The following TRIM75 variants were observed in gnomAD, a reference collection of about 807,000 sequenced individuals.
The protein encoded by TRIM75 is tripartite motif-containing protein 75.
At chr4:165,060,059 C>A in the TRIM75 span, 1 of 780,694 alleles carries the variant, frequency 1.3e-6, no homozygotes. Flanking sequence ...AAACAGCACA[C>A]CCTAACCTGA....
the TRIM75 span, chr4:165,060,228 T>C: frequency 1.3e-6 from 1 of 780,920 alleles, no homozygotes. Flanking sequence ...TAAGTCAGAA[T>C]GGGCTATTGG....
chr4:165,055,037 T>C, the TRIM75 span, among the ~76,000 whole-genome samples: 1 of 152,010 alleles, frequency 6.6e-6, no homozygotes, highest in African/African-American at 2.4e-5. Context: ...TTAACCACTA[T>C]TGCTTGCTTA....
At chr4:165,054,290 G>A in the TRIM75 span, among the ~76,000 whole-genome samples, 2 of 118,824 alleles carry the variant, frequency 1.7e-5, no homozygotes, top group Non-Finnish European at 3.5e-5. Flanking sequence ...TTTTTTTTGA[G>A]ACAGAGTCTT....
chr4:165,054,706 G>C, the TRIM75 span, among the ~76,000 whole-genome samples: 1 of 152,094 alleles, frequency 6.6e-6, no homozygotes, highest in Non-Finnish European at 1.5e-5. Context: ...GCGGCATAAG[G>C]TTATTTTAAA....
chr4:165,056,647 C>T, the TRIM75 span, among the ~76,000 whole-genome samples: 4 of 117,690 alleles, frequency 3.4e-5, no homozygotes, highest in East Asian at 1.1e-3. Context: ...CAGAGTCTCG[C>T]TCTGTTGCCC....
At chr4:165,055,908 G>A in the TRIM75 span, among the ~76,000 whole-genome samples, 6 of 144,614 alleles carry the variant, frequency 4.1e-5, no homozygotes, top group African/African-American at 1.3e-4. Flanking sequence ...CACATGAGAC[G>A]CTGTCTCTCT....
At chr4:165,058,348 TTTTTTATTTTTTTA>T in the TRIM75 span, among the ~76,000 whole-genome samples, 1 of 152,000 alleles carries the variant, frequency 6.6e-6, no homozygotes, top group Non-Finnish European at 1.5e-5. Context: ...TTTTTTTTAT[TTTTTTATTTTTTTA>T]TTTTTATTTT....
the TRIM75 span, among the ~76,000 whole-genome samples, chr4:165,056,193 CACACCTGTAATCCCA>C: frequency 1.3e-5 from 2 of 152,108 alleles, no homozygotes; most frequent in South Asian, 4.2e-4. Flanking sequence ...CGAGGTGGCT[CACACCTGTAATCCCA>C]ACACTTTGAG....
the TRIM75 span, among the ~76,000 whole-genome samples, chr4:165,055,230 T>C: frequency 8.7e-4 from 131 of 151,414 alleles, no homozygotes; most frequent in African/African-American, 2.8e-3. Context: ...CAGTTCTGCC[T>C]CCCAAAGCAC....
chr4:165,059,915 C>T, the TRIM75 span: 26 of 779,294 alleles, frequency 3.3e-5, no homozygotes, highest in Admixed American at 1.4e-4. Context: ...AAATTTTCTA[C>T]GAATCTGAAA....
At chr4:165,054,502 C>T in the TRIM75 span, among the ~76,000 whole-genome samples, 2 of 152,042 alleles carry the variant, frequency 1.3e-5, no homozygotes, top group South Asian at 2.1e-4. Flanking sequence ...CTTCTGACCT[C>T]GTGATCCACC....
chr4:165,057,261 G>A, the TRIM75 span, among the ~76,000 whole-genome samples: 2 of 151,988 alleles, frequency 1.3e-5, no homozygotes, highest in Admixed American at 6.6e-5. Context: ...TGTAATCCTC[G>A]CATTTTGGGA....
the TRIM75 span, among the ~76,000 whole-genome samples, chr4:165,057,192 T>A: frequency 6.6e-6 from 1 of 152,178 alleles, no homozygotes; most frequent in Non-Finnish European, 1.5e-5. Context: ...CTTCCTCTTT[T>A]TTGAAGTTCA....
At chr4:165,057,327 T>C in the TRIM75 span, among the ~76,000 whole-genome samples, 5 of 152,072 alleles carry the variant, frequency 3.3e-5, no homozygotes, top group Non-Finnish European at 7.4e-5. Context: ...CTGAGTGACA[T>C]GGCAAGACCT....
the TRIM75 span, chr4:165,059,651 A>T: frequency 1.3e-6 from 1 of 780,854 alleles, no homozygotes; most frequent in Admixed American, 1.7e-5. Context: ...AAAGCAAAAA[A>T]CCCTTAGAAC....
the TRIM75 span, among the ~76,000 whole-genome samples, chr4:165,056,297 AT>A: frequency 7.4e-3 from 1,096 of 148,510 alleles, 7 homozygotes; most frequent in South Asian, 0.023. Context: ...AATAAAAATG[AT>A]TTTTTTTTTT....
the TRIM75 span, chr4:165,059,222 C>A: frequency 2.6e-6 from 2 of 780,228 alleles, no homozygotes; most frequent in East Asian, 2.4e-5. Flanking sequence ...ACCTGAGTGA[C>A]CCCGTCACCA....
At chr4:165,055,367 C>A in the TRIM75 span, among the ~76,000 whole-genome samples, 1 of 151,238 alleles carries the variant, frequency 6.6e-6, no homozygotes, top group South Asian at 2.1e-4. Context: ...TCACCGCAAC[C>A]TCCATGTCCC....
At chr4:165,057,182 C>T in the TRIM75 span, among the ~76,000 whole-genome samples, 2 of 152,240 alleles carry the variant, frequency 1.3e-5, no homozygotes, top group East Asian at 3.9e-4. Flanking sequence ...TTTTCCAATG[C>T]TTCCTCTTTT....
Sources: gnomAD v4.1 joint callset for allele counts (sites outside exome capture counted in the v4.1 genomes callset) on GRCh38, gnomAD v4.1.1 for gene constraint, MANE v1.5 for transcripts, NCBI Gene and HGNC (gene_info 2026-07-23, HGNC 2026-07-21) for gene names.